Variants in FEZ1 observed in about 807,000 individuals in gnomAD.
FEZ1 encodes the protein fasciculation and elongation protein zeta-1.
A neutral mutation model predicts 49.3 loss-of-function variants in FEZ1; 20 were observed. The observed-to-expected ratio is 0.41, with a 90% CI of 0.29 to 0.59. FEZ1 has a LOEUF of 0.59. Ranked by LOEUF, FEZ1 falls within the 20% of genes least tolerant of loss-of-function variation. The pLI is 0.36. For synonymous variants in FEZ1, 170 were observed against 180.9 expected (o/e 0.94, Z 0.48); for missense variants, 413 against 476.0 (o/e 0.87, Z 1.23).
chr11:125,477,054 T>C (rs1957239183), intron 3 of FEZ1, among the ~76,000 whole-genome samples: 1 of 152,236 alleles, frequency 6.6e-6, no homozygotes, highest in Non-Finnish European at 1.5e-5. Context: ...CTAACTGGGA[T>C]GTTTTCAAGA....
At chr11:125,480,439 G>T (rs1957268727) in intron 3 of FEZ1, among the ~76,000 whole-genome samples, 1 of 152,108 alleles carries the variant, frequency 6.6e-6, no homozygotes. Flanking sequence ...TAATATCTGG[G>T]CCCCACCTCT....
chr11:125,446,321 C>A (rs2135732244), intron 9 of FEZ1, among the ~76,000 whole-genome samples: 1 of 150,498 alleles, frequency 6.6e-6, no homozygotes, highest in Non-Finnish European at 1.5e-5. Flanking sequence ...AGTTCAAATC[C>A]TGGATCCAGC....
At position 125,464,546 on chromosome 11, in the gene FEZ1, C is replaced by T. The variant is rs561835158; in HGVS notation, c.412-976G>A. On this transcript the variant is annotated intron_variant, in intron 3 of 9. Coordinates refer to ENST00000278919, the MANE Select transcript of FEZ1 (RefSeq NM_005103.5). ...ACACCGATTGGCCCCTTCCCTGGGGCTTGTATTCTGCCTTTTCTAACAGGA... is the reference window on the plus strand; with the variant it reads ...ACACCGATTGGCCCCTTCCCTGGGGTTTGTATTCTGCCTTTTCTAACAGGA... Among the ~76,000 whole-genome samples, 4 of 152,264 alleles carry T rather than the reference C, an allele frequency of 2.6e-5. No individual in the cohort carries two copies. In the East Asian group the frequency reaches 7.7e-4, roughly 29 times the overall value.
intron 1 of FEZ1, among the ~76,000 whole-genome samples, chr11:125,491,858 T>C (rs1957385885): frequency 6.6e-6 from 1 of 152,178 alleles, no homozygotes; most frequent in African/African-American, 2.4e-5. Flanking sequence ...TATATACAAG[T>C]AGTACCATAT....
At chr11:125,459,746 G>A (rs661826) in intron 5 of FEZ1, among the ~76,000 whole-genome samples, 152,025 of 152,352 alleles carry the variant, frequency 1, 75,850 homozygotes, top group Middle Eastern at 1. Context: ...TGAAAGACTC[G>A]GTTAGCTTGA....
intron 3 of FEZ1, chr11:125,468,900 C>T (rs1957158335): frequency 6.6e-6 from 1 of 152,176 alleles, no homozygotes; most frequent in Non-Finnish European, 1.5e-5. Context: ...AAAGGGACTG[C>T]ATCCTCTCAG....
intron 9 of FEZ1, among the ~76,000 whole-genome samples, chr11:125,448,279 C>T (rs1214157079): frequency 6.6e-6 from 1 of 152,160 alleles, no homozygotes; most frequent in Non-Finnish European, 1.5e-5. Context: ...GTTTGTTGCT[C>T]CAAGGAAAGT....
intron 4 of FEZ1, among the ~76,000 whole-genome samples, chr11:125,461,239 C>T (rs940550529): frequency 1.3e-5 from 2 of 152,134 alleles, no homozygotes; most frequent in Admixed American, 1.3e-4. Flanking sequence ...AGAACCCCAG[C>T]TCTAATCTAG....
At chr11:125,474,191 A>ATTTTT (rs34135138) in intron 3 of FEZ1, among the ~76,000 whole-genome samples, 36 of 128,442 alleles carry the variant, frequency 2.8e-4, no homozygotes, top group Admixed American at 1.4e-3. Context: ...TGCCAGGCTA[A>ATTTTT]TTTTTTTTTT....
Position 125,495,258 on chromosome 11 carries a change from A to G in FEZ1, c.-46+863T>C, listed in dbSNP as rs893537786. ...TGAGGAAGCCGGACTCATCCCGTGC[A>G]GGCCGCATACACACTCCACTGCCCT... is the stretch of plus-strand genomic sequence containing the variant. On this transcript the variant is annotated intron_variant, in intron 1 of 9. Transcript: ENST00000278919. This position sits in a 1 kb window ranked among gnomAD's most constrained non-coding sequence, Gnocchi z 4.2. 9 of 405,588 alleles carry G rather than the reference A, an allele frequency of 2.2e-5. No homozygotes were observed. The highest frequency in any genetic ancestry group is 6.2e-5 in the African/African-American group (3 of 48,268). The allele number at this position is 405,588 out of a possible 1,614,324, so 25.1% of individuals were successfully genotyped here. A position where few individuals can be genotyped will look rare whatever the true frequency, so the allele number is the denominator to read the frequency against.
intron 3 of FEZ1, among the ~76,000 whole-genome samples, chr11:125,478,821 G>C (rs746639311): frequency 4.6e-5 from 7 of 152,172 alleles, no homozygotes; most frequent in Non-Finnish European, 1.0e-4. Context: ...TGGAAATGAG[G>C]ATAAATTAAA....
chr11:125,492,491 A>C (rs1327173244), intron 1 of FEZ1, among the ~76,000 whole-genome samples: 2 of 152,246 alleles, frequency 1.3e-5, no homozygotes, highest in Admixed American at 6.5e-5. Context: ...AGCAACAAAA[A>C]AGTGAGATTA....
At chr11:125,473,626 C>G (rs1957201997) in intron 3 of FEZ1, among the ~76,000 whole-genome samples, 1 of 152,082 alleles carries the variant, frequency 6.6e-6, no homozygotes, top group Non-Finnish European at 1.5e-5. Context: ...CAAGACCAGT[C>G]TGGCCAAAAT....
At chr11:125,490,714 A>ATTTT (rs1565305795) in intron 1 of FEZ1, among the ~76,000 whole-genome samples, 6 of 151,996 alleles carry the variant, frequency 3.9e-5, no homozygotes, top group African/African-American at 1.2e-4. Context: ...TTTTTTTAAA[A>ATTTT]AAACTAATAA....
At chr11:125,481,466 TA>T in intron 3 of FEZ1, 67 bp downstream of exon 3, 2 of 900,182 alleles carry the variant, frequency 2.2e-6, no homozygotes, top group Non-Finnish European at 1.9e-6. Flanking sequence ...ACTGTTGAGT[TA>T]CTGAATGTTT....
intron 1 of FEZ1, among the ~76,000 whole-genome samples, chr11:125,491,951 A>G (rs1480416204): frequency 6.6e-6 from 1 of 152,188 alleles, no homozygotes; most frequent in Non-Finnish European, 1.5e-5. Flanking sequence ...TGATTTCCTC[A>G]TTTGTTATAA....
rs1204652670 is a variant in FEZ1 at position 125,495,542 on chromosome 11, G to C, written c.-46+579C>G. ...CCCGGCGTCTGCGGCCGCTGCCAGC[G>C]GTTCTGACACTGCAGGAATGCGCGG... On this transcript the variant is annotated intron_variant, in intron 1 of 9. Transcript: ENST00000278919. The surrounding 1 kb of genome is among the most constrained non-coding windows in gnomAD (Gnocchi z 4.2). 1 of 471,110 alleles carries C rather than the reference G, an allele frequency of 2.1e-6. No individual in the cohort carries two copies. Among genetic ancestry groups the C allele is most frequent in the Non-Finnish European group, 4.4e-6 (1 of 227,040 alleles). The allele number at this position is 471,110 out of a possible 1,614,324, so 29.2% of individuals were successfully genotyped here. A position where few individuals can be genotyped will look rare whatever the true frequency, so the allele number is the denominator to read the frequency against.
Position 125,488,692 on chromosome 11 carries a change from A to G in FEZ1, c.311+775T>C, listed in dbSNP as rs1957352414. On this transcript the variant is annotated intron_variant, in intron 2 of 9. Transcript: ENST00000278919. The stretch of plus-strand genomic sequence containing the variant: ...GAAACTTCATCTCAAAAAAAAACAA[A>G]ACAAAACAAAACAAAAAAACACATC... 3.1e-6 allele frequency: 3 copies of G among 982,416 alleles called. No homozygotes were observed. The South Asian group carries it at 1.4e-4, about 46-fold the overall frequency. The allele number at this position is 982,416 out of a possible 1,614,324, so 60.9% of individuals were successfully genotyped here. A position where few individuals can be genotyped will look rare whatever the true frequency, so the allele number is the denominator to read the frequency against.
At chr11:125,451,498 C>A (rs946570649) in intron 8 of FEZ1, 14 of 152,358 alleles carry the variant, frequency 9.2e-5, no homozygotes, top group Admixed American at 7.2e-4. Context: ...AGTAGCCCCG[C>A]ACTGGCCCCT....
Sources: allele counts gnomAD v4.1 joint callset (sites outside exome capture counted in the v4.1 genomes callset), GRCh38; gene constraint gnomAD v4.1.1; non-coding constraint Gnocchi (gnomAD v3.1); transcripts MANE v1.5; gene names NCBI Gene and HGNC (gene_info 2026-07-23, HGNC 2026-07-21).